FSTL4: variants seen among roughly 807,000 people sequenced by gnomAD.
FSTL4 encodes follistatin-related protein 4.
A neutral mutation model predicts 78.2 loss-of-function variants in FSTL4; 28 were observed. The observed-to-expected ratio is 0.36, with a 90% CI of 0.27 to 0.49. The LOEUF (loss-of-function observed/expected upper bound fraction) is 0.49. FSTL4 is among the 20% of genes least tolerant of loss of function. The pLI, the probability that FSTL4 is intolerant of heterozygous loss-of-function variation, is 0.98. For synonymous variants in FSTL4, 422 were observed against 440.5 expected, an observed-to-expected ratio of 0.96 and a Z score of 0.53; for missense variants, 922 against 1,084.9, an observed-to-expected ratio of 0.85 and a Z score of 2.11.
At chr5:133,691,374 G>A in the FSTL4 span, among the ~76,000 whole-genome samples, 2 of 151,940 alleles carry the variant, frequency 1.3e-5, no homozygotes, top group Non-Finnish European at 2.9e-5. Flanking sequence ...GGCAACACTC[G>A]GCCCAGACTC....
At chr5:133,748,805 A>G in the FSTL4 span, among the ~76,000 whole-genome samples, 1 of 152,126 alleles carries the variant, frequency 6.6e-6, no homozygotes. Context: ...AGCAGCCCCA[A>G]CCCCTTCTAC....
chr5:133,678,603 T>C, the FSTL4 span, among the ~76,000 whole-genome samples: 1 of 151,820 alleles, frequency 6.6e-6, no homozygotes, highest in Non-Finnish European at 1.5e-5. Flanking sequence ...AGAGTCCAGT[T>C]TTGGACATGC....
At chr5:133,764,508 C>T in the FSTL4 span, among the ~76,000 whole-genome samples, 1 of 152,172 alleles carries the variant, frequency 6.6e-6, no homozygotes, top group African/African-American at 2.4e-5. Context: ...AGAATTAGCT[C>T]CCCCAATTCC....
At chr5:133,657,006 T>C in the FSTL4 span, among the ~76,000 whole-genome samples, 18,389 of 152,138 alleles carry the variant, frequency 0.12, 1,215 homozygotes, top group Admixed American at 0.23. Context: ...ACAAGAGTCA[T>C]TGACTAAGAT....
chr5:133,623,428 G>T, the FSTL4 span, among the ~76,000 whole-genome samples: 1 of 151,828 alleles, frequency 6.6e-6, no homozygotes, highest in African/African-American at 2.4e-5. Context: ...ATTGGCCCTG[G>T]GATAACTCAA....
intron 3 of FSTL4, among the ~76,000 whole-genome samples, chr5:133,550,771 G>T (rs1759676639): frequency 1.3e-5 from 2 of 152,198 alleles, no homozygotes; most frequent in African/African-American, 4.8e-5. Flanking sequence ...CACAGAAGGA[G>T]ACAACTCTCA....
intron 6 of FSTL4, among the ~76,000 whole-genome samples, chr5:133,286,515 A>G (rs1013682916): frequency 6.6e-5 from 10 of 152,052 alleles, no homozygotes; most frequent in Non-Finnish European, 1.0e-4. Context: ...CTTGACAAAA[A>G]CCTTTCTTCT....
chr5:133,783,563 A>T, the FSTL4 span, among the ~76,000 whole-genome samples: 3 of 152,228 alleles, frequency 2.0e-5, no homozygotes, highest in Non-Finnish European at 4.4e-5. Flanking sequence ...CTCTTGCCTC[A>T]TCTGAGCTCC....
At chr5:133,698,317 C>T in the FSTL4 span, among the ~76,000 whole-genome samples, 1 of 152,190 alleles carries the variant, frequency 6.6e-6, no homozygotes, top group Non-Finnish European at 1.5e-5. Flanking sequence ...CTGAGCCTCA[C>T]CAGACAGACT....
chr5:133,500,301 T>C (rs11242158), intron 3 of FSTL4, among the ~76,000 whole-genome samples: 34,951 of 152,156 alleles, frequency 0.23, 4,787 homozygotes, highest in East Asian at 0.37. Flanking sequence ...TGGTTTTGTA[T>C]GCCAACGACC....
the FSTL4 span, among the ~76,000 whole-genome samples, chr5:133,728,509 A>G: frequency 1.3e-5 from 2 of 152,254 alleles, no homozygotes; most frequent in Admixed American, 6.5e-5. Context: ...GCTGGACTTC[A>G]TGCTTCCTAA....
At chr5:133,648,061 C>A in the FSTL4 span, among the ~76,000 whole-genome samples, 1 of 152,148 alleles carries the variant, frequency 6.6e-6, no homozygotes, top group African/African-American at 2.4e-5. Context: ...TCCTTCTTGC[C>A]TTCCACCATG....
At chr5:133,505,348 CCTT>C (rs1239239951) in intron 3 of FSTL4, among the ~76,000 whole-genome samples, 3 of 152,182 alleles carry the variant, frequency 2.0e-5, no homozygotes, top group Admixed American at 6.5e-5. Flanking sequence ...AGGTTCCTGT[CCTT>C]CTCCATTCTC....
At chr5:133,528,605 G>A (rs775694644) in intron 3 of FSTL4, among the ~76,000 whole-genome samples, 3 of 152,238 alleles carry the variant, frequency 2.0e-5, no homozygotes, top group South Asian at 2.1e-4. Context: ...AGCCTGGCAC[G>A]CTCCTCTGTG....
intron 6 of FSTL4, among the ~76,000 whole-genome samples, chr5:133,281,167 T>C (rs922566292): frequency 6.6e-6 from 1 of 152,132 alleles, no homozygotes; most frequent in Non-Finnish European, 1.5e-5. Context: ...CCCAACCTCC[T>C]TGGAGCCCTG....
At chr5:133,615,427 G>A (rs1761182485), upstream of FSTL4, among the ~76,000 whole-genome samples, 1 of 152,240 alleles carries the variant, frequency 6.6e-6, no homozygotes, top group East Asian at 1.9e-4. Context: ...TCCCGCCTCA[G>A]CCTCTAGGGC....
intron 3 of FSTL4, among the ~76,000 whole-genome samples, chr5:133,471,441 G>A (rs111440863): frequency 2.6e-5 from 4 of 152,276 alleles, no homozygotes; most frequent in African/African-American, 9.6e-5. Flanking sequence ...CCTTTGGGAG[G>A]TGATTAGGTC....
chr5:133,661,540 A>C, the FSTL4 span, among the ~76,000 whole-genome samples: 3 of 152,266 alleles, frequency 2.0e-5, no homozygotes, highest in Admixed American at 6.5e-5. Flanking sequence ...CATTAGTATT[A>C]GTTTTAATAT....
the FSTL4 span, among the ~76,000 whole-genome samples, chr5:133,668,473 T>G: frequency 1.3e-5 from 2 of 152,208 alleles, no homozygotes; most frequent in African/African-American, 2.4e-5. Context: ...TACCATACCA[T>G]GCATCTCTAT....
Sources: allele counts gnomAD v4.1 joint callset (sites outside exome capture counted in the v4.1 genomes callset), GRCh38; gene constraint gnomAD v4.1.1; transcripts MANE v1.5; gene names NCBI Gene and HGNC (gene_info 2026-07-23, HGNC 2026-07-21).